The following BCAS3 variants were observed in gnomAD, a reference collection of about 807,000 sequenced individuals.
BCAS3 encodes the protein BCAS4/BCAS3 fusion.
Under a neutral mutation model 116.1 loss-of-function variants are expected in BCAS3, and 53 were observed. The observed-to-expected ratio is 0.46, with a 90% confidence interval of 0.37 to 0.57. The LOEUF (loss-of-function observed/expected upper bound fraction) is 0.57, where lower values mean the gene tolerates loss of function less well. Ranked by LOEUF, BCAS3 falls within the 20% of genes least tolerant of loss-of-function variation. The pLI is 0.00. For synonymous variants in BCAS3, 391 were observed against 408.2 expected (o/e 0.96, Z 0.51); for missense variants, 917 against 1,165.4 (o/e 0.79, Z 3.10).
chr17:60,935,398 A>G (rs1051496787), intron 13 of BCAS3, among the ~76,000 whole-genome samples: 1 of 152,200 alleles, frequency 6.6e-6, no homozygotes, highest in Non-Finnish European at 1.5e-5. Flanking sequence ...AACTGATTTT[A>G]TAATTTTCTC....
chr17:61,203,253 G>T lies in BCAS3; in HGVS notation c.2425+118689G>T, dbSNP rs1482776571. On this transcript the variant is annotated intron_variant, in intron 22 of 23. Transcript: ENST00000407086. The surrounding 1 kb of genome is among the most constrained non-coding windows in gnomAD (Gnocchi z 5.7). ...GCTCACTGCAGCCTCTACTTCCTGG[G>T]TTCAAATGATTCTCCTGCCTCAGCC... Among the ~76,000 whole-genome samples, 1 of 152,040 alleles carries T rather than the reference G, an allele frequency of 6.6e-6. No homozygotes were observed. Among genetic ancestry groups the T allele is most frequent in the Non-Finnish European group, 1.5e-5 (1 of 68,012 alleles).
chr17:60,685,106 T>C (rs2033817858), intron 3 of BCAS3, among the ~76,000 whole-genome samples: 1 of 152,148 alleles, frequency 6.6e-6, no homozygotes, highest in Non-Finnish European at 1.5e-5. Flanking sequence ...GGTGTTTGCT[T>C]TATTTGGCAG....
chr17:61,345,412 T>A (rs929096060), intron 22 of BCAS3, among the ~76,000 whole-genome samples: 1 of 151,844 alleles, frequency 6.6e-6, no homozygotes, highest in Non-Finnish European at 1.5e-5. Flanking sequence ...GGTTGTTTGC[T>A]GAGAATGAGG....
At chr17:61,045,867 A>C (rs1316825828) in intron 19 of BCAS3, among the ~76,000 whole-genome samples, 10 of 22,252 alleles carry the variant, frequency 4.5e-4, no homozygotes, top group Admixed American at 1.6e-3. Context: ...ATATATATAA[A>C]TATATATAAA....
Position 61,362,575 on chromosome 17 carries a change from C to G in BCAS3, c.2426-5752C>G, listed in dbSNP as rs1387089843. Among the ~76,000 whole-genome samples, 1 of 152,230 alleles carries G rather than the reference C, an allele frequency of 6.6e-6. No homozygotes were observed. Among genetic ancestry groups the G allele is most frequent in the East Asian group, 1.9e-4 (1 of 5,192 alleles). On this transcript the variant is annotated intron_variant, in intron 22 of 23. Transcript: ENST00000407086. The surrounding 1 kb of genome is among the most constrained non-coding windows in gnomAD (Gnocchi z 4.4). ...TTAACAATGGTGTACAAAGGCAAAG[C>G]ACGTGTTCCCCCAGCCTCCCCAGGA...
chr17:60,680,981 A>C (rs1020130597), intron 2 of BCAS3, among the ~76,000 whole-genome samples: 1 of 152,122 alleles, frequency 6.6e-6, no homozygotes, highest in Admixed American at 6.6e-5. Context: ...ACATGGGAGG[A>C]TTGCTTGAAA....
intron 7 of BCAS3, among the ~76,000 whole-genome samples, chr17:60,821,350 A>G (rs747304689): frequency 1.1e-4 from 17 of 152,264 alleles, no homozygotes; most frequent in South Asian, 4.1e-4. Context: ...ACATACATAC[A>G]TTTAATTATT....
rs2082938494 is a variant in BCAS3 at position 61,235,163 on chromosome 17, A to AG, written c.2426-133162dup. ...CGGTCTTCCAAAGTGCTGGGATTAT[A>AG]GGCGTGAACCACCACGCCTGGCTGT... On this transcript the variant is annotated intron_variant, in intron 22 of 23. Coordinates refer to ENST00000407086, the MANE Select transcript of BCAS3 (RefSeq NM_017679.5). This position sits in a 1 kb window ranked among gnomAD's most constrained non-coding sequence, Gnocchi z 5.0. 6.6e-6 allele frequency among the ~76,000 whole-genome samples: 1 copy of AG among 152,208 alleles called. No individual in the cohort carries two copies. Among genetic ancestry groups the AG allele is most frequent in the African/African-American group, 2.4e-5 (1 of 41,452 alleles).
chr17:61,310,508 C>T (rs577816182), intron 22 of BCAS3, among the ~76,000 whole-genome samples: 9 of 150,210 alleles, frequency 6.0e-5, no homozygotes, highest in Non-Finnish European at 7.4e-5. Context: ...GAGCCGAGAT[C>T]GTGCCATTGC....
chr17:61,247,184 A>G (rs2048038799), intron 22 of BCAS3, among the ~76,000 whole-genome samples: 1 of 152,206 alleles, frequency 6.6e-6, no homozygotes, highest in South Asian at 2.1e-4. Flanking sequence ...AACTTTGACG[A>G]TAGCATGCAA....
intron 22 of BCAS3, among the ~76,000 whole-genome samples, chr17:61,114,895 T>C (rs1179612955): frequency 6.6e-6 from 1 of 152,014 alleles, no homozygotes; most frequent in East Asian, 1.9e-4. Context: ...AACAAAGATA[T>C]AGATCAATGG....
chr17:60,807,145 G>T (rs897870409), intron 6 of BCAS3, among the ~76,000 whole-genome samples: 1 of 151,894 alleles, frequency 6.6e-6, no homozygotes, highest in African/African-American at 2.4e-5. Context: ...TGCTTTTTCT[G>T]CATCTGCTGA....
chr17:60,857,414 CACA>C (rs2053775518), intron 7 of BCAS3, among the ~76,000 whole-genome samples: 1 of 152,144 alleles, frequency 6.6e-6, no homozygotes, highest in African/African-American at 2.4e-5. Flanking sequence ...AAATGTCAAA[CACA>C]ATCCTTTAAA....
chr17:61,200,487 G>A lies in BCAS3; in HGVS notation c.2425+115923G>A, dbSNP rs1011019811. 3.3e-5 allele frequency among the ~76,000 whole-genome samples: 5 copies of A among 152,140 alleles called. No individual in the cohort carries two copies. Among genetic ancestry groups the A allele is most frequent in the Non-Finnish European group, 7.4e-5 (5 of 68,026 alleles). ...AACCTGAGCTTCAGAAAGGGCCCTC[G>A]GCTTGCCGAAGGCCGTATGGTAAAT... is the stretch of plus-strand genomic sequence containing the variant. On this transcript the variant is annotated intron_variant, in intron 22 of 23. Coordinates refer to ENST00000407086, the MANE Select transcript of BCAS3 (RefSeq NM_017679.5). The surrounding 1 kb of genome is among the most constrained non-coding windows in gnomAD (Gnocchi z 5.1).
At chr17:60,727,057 A>G (rs114470905) in intron 5 of BCAS3, 5,691 of 263,102 alleles carry the variant, frequency 0.022, 302 homozygotes, top group African/African-American at 0.11. Flanking sequence ...TTAAAAAAAA[A>G]TTATTTATTT....
intron 7 of BCAS3, among the ~76,000 whole-genome samples, chr17:60,824,286 G>C (rs1467441369): frequency 6.6e-6 from 1 of 152,104 alleles, no homozygotes; most frequent in Non-Finnish European, 1.5e-5. Flanking sequence ...TGTTTTGTGG[G>C]ATTTCGGGAA....
intron 14 of BCAS3, among the ~76,000 whole-genome samples, chr17:60,987,664 T>C (rs8073202): frequency 0.07 from 10,640 of 152,216 alleles, 1,124 homozygotes; most frequent in African/African-American, 0.23. Flanking sequence ...TGCTACTGAT[T>C]GTTGTATGTT....
rs914102822 is a variant in BCAS3 at position 61,244,823 on chromosome 17, A to G, written c.2426-123504A>G. ...GCTTGCAGTGAGCCGAGATCGCGCC[A>G]CTGTACCCCAGCCTGAGCAACAGAG... On this transcript the variant is annotated intron_variant, in intron 22 of 23. Coordinates refer to ENST00000407086, the MANE Select transcript of BCAS3 (RefSeq NM_017679.5). This position sits in a 1 kb window ranked among gnomAD's most constrained non-coding sequence, Gnocchi z 4.9. 6.6e-6 allele frequency among the ~76,000 whole-genome samples: 1 copy of G among 152,192 alleles called. No individual in the cohort carries two copies. The highest frequency in any genetic ancestry group is 1.5e-5 in the Non-Finnish European group (1 of 68,036).
intron 22 of BCAS3, among the ~76,000 whole-genome samples, chr17:61,236,448 T>C (rs1439598616): frequency 6.6e-6 from 1 of 152,170 alleles, no homozygotes; most frequent in Non-Finnish European, 1.5e-5. Flanking sequence ...GCCTCCTGAA[T>C]AGCTGGGACT....
Sources: gnomAD v4.1 joint callset for allele counts (sites outside exome capture counted in the v4.1 genomes callset) on GRCh38, gnomAD v4.1.1 for gene constraint, Gnocchi (gnomAD v3.1) non-coding constraint, MANE v1.5 for transcripts, NCBI Gene and HGNC (gene_info 2026-07-23, HGNC 2026-07-21) for gene names.